SRRM3: variants seen among roughly 807,000 people sequenced by gnomAD.
The protein encoded by SRRM3 is serine/arginine repetitive matrix protein 3.
SRRM3 carries 27 observed loss-of-function variants against 66.2 expected under a neutral mutation model. The ratio of observed to expected loss-of-function variants is 0.41; its 90% confidence interval spans 0.30 to 0.56. The LOEUF (loss-of-function observed/expected upper bound fraction) is 0.56, where lower values mean the gene tolerates loss of function less well. Among genes scored for constraint, SRRM3 ranks in the 20% least tolerant of loss-of-function variants. The probability of loss-of-function intolerance (pLI) is 0.32; values close to 1 mark genes in which losing one functional copy is unlikely to be tolerated. For missense variants in SRRM3, 918 were observed against 991.9 expected, an observed-to-expected ratio of 0.93 and a Z score of 1.00; for synonymous variants, 391 against 414.9, an observed-to-expected ratio of 0.94 and a Z score of 0.70.
At chr7:76,267,151 G>A in intron 10 of SRRM3, 107 bp from the exon 11 acceptor site, 6 of 1,073,104 alleles carry the variant, frequency 5.6e-6, no homozygotes, top group Non-Finnish European at 7.5e-6. Flanking sequence ...CAGGTGGAGG[G>A]CTGCTCTCTT....
chr7:76,277,740 G>A (rs143432084), intron 11 of SRRM3, among the ~76,000 whole-genome samples: 1 of 20,064 alleles, frequency 5.0e-5, no homozygotes, highest in African/African-American at 4.2e-4. Flanking sequence ...AAAAAAGAGA[G>A]AGAGAGAAAG....
At chr7:76,221,119 G>C (rs553470332) in intron 1 of SRRM3, among the ~76,000 whole-genome samples, 1 of 145,690 alleles carries the variant, frequency 6.9e-6, no homozygotes, top group Non-Finnish European at 1.5e-5. Flanking sequence ...GTGCAGTGGC[G>C]CAATCTCAGT....
intron 11 of SRRM3, among the ~76,000 whole-genome samples, chr7:76,275,716 A>C (rs1802331683): frequency 6.6e-6 from 1 of 152,022 alleles, no homozygotes; most frequent in African/African-American, 2.4e-5. Flanking sequence ...GAGTACCAGG[A>C]CCAGGTGAAC....
At position 76,285,497 on chromosome 7, in the gene SRRM3, G is replaced by C; in HGVS notation, c.1734-118G>C. 1.4e-6 allele frequency: 1 copy of C among 734,770 alleles called. No homozygotes were observed. Among genetic ancestry groups the C allele is most frequent in the Non-Finnish European group, 2.2e-6 (1 of 447,486 alleles). 45.5% of individuals were successfully genotyped at this position (734,770 alleles called of 1,614,324 possible). A position where few individuals can be genotyped will look rare whatever the true frequency, so the allele number is the denominator to read the frequency against. On this transcript the variant is annotated intron_variant, in intron 14 of 14. Coordinates refer to ENST00000611745, the MANE Select transcript of SRRM3 (RefSeq NM_001110199.3). The surrounding 1 kb of genome is among the most constrained non-coding windows in gnomAD (Gnocchi z 4.1). Reference sequence around the variant, plus strand: ...CAATGACCGTCAGATTCCATTTGGAGAAGGCAGGTGTCTCTAAGGCCAGGG... The same window carrying C: ...CAATGACCGTCAGATTCCATTTGGACAAGGCAGGTGTCTCTAAGGCCAGGG...
At chr7:76,273,012 C>A (rs1006278862) in intron 11 of SRRM3, 1 of 152,362 alleles carries the variant, frequency 6.6e-6, no homozygotes, top group Non-Finnish European at 1.5e-5. Context: ...CTTCACCCAT[C>A]TGTCCACTCC....
chr7:76,236,950 G>A (rs1801167891), intron 2 of SRRM3, among the ~76,000 whole-genome samples: 1 of 152,168 alleles, frequency 6.6e-6, no homozygotes, highest in Admixed American at 6.5e-5. Flanking sequence ...ACCTCAGGTC[G>A]TGAATTAAAC....
At chr7:76,254,368 G>A (rs542335213) in intron 3 of SRRM3, among the ~76,000 whole-genome samples, 2 of 152,172 alleles carry the variant, frequency 1.3e-5, no homozygotes, top group Non-Finnish European at 2.9e-5. Flanking sequence ...GCTCAGGCTG[G>A]AGTGCAACGG....
At chr7:76,256,716 C>CAT (rs1554607728) in intron 3 of SRRM3, among the ~76,000 whole-genome samples, 2 of 133,644 alleles carry the variant, frequency 1.5e-5, no homozygotes, top group Non-Finnish European at 3.3e-5. Flanking sequence ...GCTTCTTTTT[C>CAT]TTTTTTTTTT....
At chr7:76,271,180 G>T (rs1403492197) in intron 11 of SRRM3, among the ~76,000 whole-genome samples, 1 of 148,102 alleles carries the variant, frequency 6.8e-6, no homozygotes, top group Non-Finnish European at 1.5e-5. Context: ...TCCAAAAGTA[G>T]ACCCCAGGCA....
intron 10 of SRRM3, among the ~76,000 whole-genome samples, chr7:76,265,823 AATATTTATATATAT>A (rs1324932329): frequency 3.0e-5 from 2 of 65,586 alleles, no homozygotes; most frequent in African/African-American, 1.6e-4. Context: ...ATATTTAATA[AATATTTATATATAT>A]ATATATATAT....
At chr7:76,240,357 A>C (rs1443950839) in intron 2 of SRRM3, among the ~76,000 whole-genome samples, 1 of 152,110 alleles carries the variant, frequency 6.6e-6, no homozygotes, top group Non-Finnish European at 1.5e-5. Context: ...GCATTGGCTC[A>C]TGCCTGTAAT....
At chr7:76,223,187 A>G (rs1425291097) in intron 1 of SRRM3, among the ~76,000 whole-genome samples, 1 of 152,164 alleles carries the variant, frequency 6.6e-6, no homozygotes, top group East Asian at 1.9e-4. Context: ...ACCCCAGAGT[A>G]GCCACTCACA....
chr7:76,272,021 G>T (rs1205986846), intron 11 of SRRM3, among the ~76,000 whole-genome samples: 1 of 152,162 alleles, frequency 6.6e-6, no homozygotes, highest in African/African-American at 2.4e-5. Context: ...AGTCACTCAA[G>T]GTCACACAAT....
At chr7:76,241,289 G>A (rs1055316185) in intron 2 of SRRM3, among the ~76,000 whole-genome samples, 25 of 152,214 alleles carry the variant, frequency 1.6e-4, no homozygotes, top group Non-Finnish European at 2.9e-4. Context: ...CCTCCACAGG[G>A]AGCAAGTGGT....
At chr7:76,284,840 T>G (rs919988825) in intron 14 of SRRM3, among the ~76,000 whole-genome samples, 17 of 151,868 alleles carry the variant, frequency 1.1e-4, no homozygotes, top group Non-Finnish European at 1.9e-4. Context: ...CAGCGGGAGG[T>G]AGCTGAGTGA....
intron 1 of SRRM3, among the ~76,000 whole-genome samples, chr7:76,208,572 C>T (rs995751246): frequency 2.0e-5 from 3 of 151,096 alleles, no homozygotes; most frequent in Non-Finnish European, 4.4e-5. Context: ...CGGTGGCTCA[C>T]GCCTGTAATC....
chr7:76,231,559 C>A (rs533271870), intron 1 of SRRM3, among the ~76,000 whole-genome samples: 1 of 152,368 alleles, frequency 6.6e-6, no homozygotes, highest in African/African-American at 2.4e-5. Context: ...CCAGGGCTCT[C>A]ACCCGCGCCT....
In SRRM3 at chr7:76,279,088, G is replaced by A. The variant is rs1802433266; in HGVS notation, c.1009-2353G>A. Among the ~76,000 whole-genome samples, 9 of 152,046 alleles carry A rather than the reference G, an allele frequency of 5.9e-5. No homozygotes were observed. The South Asian group carries it at 1.9e-3, about 32-fold the overall frequency. The stretch of plus-strand genomic sequence containing the variant: ...AGCCTGGCCAACACGGTGAAACCCC[G>A]TCTCTCCTAAAAATACAAAAATTAG... On this transcript the variant is annotated intron_variant, in intron 11 of 14. Coordinates refer to ENST00000611745, the MANE Select transcript of SRRM3 (RefSeq NM_001110199.3).
At chr7:76,247,743 G>A (rs113983779) in intron 2 of SRRM3, among the ~76,000 whole-genome samples, 5,059 of 152,218 alleles carry the variant, frequency 0.033, 174 homozygotes, top group African/African-American at 0.094. Context: ...CACCTAGGCT[G>A]GTGTGCAGTG....
Sources: allele counts gnomAD v4.1 joint callset (sites outside exome capture counted in the v4.1 genomes callset), GRCh38; gene constraint gnomAD v4.1.1; non-coding constraint Gnocchi (gnomAD v3.1); transcripts MANE v1.5; gene names NCBI Gene and HGNC (gene_info 2026-07-23, HGNC 2026-07-21).